The following WDR64 variants were observed in gnomAD, a reference collection of about 807,000 sequenced individuals.
The protein encoded by WDR64 is WD repeat domain 64.
WDR64 carries 112 observed loss-of-function variants against 139.3 expected under a neutral mutation model. The ratio of observed to expected loss-of-function variants is 0.80; its 90% CI spans 0.69 to 0.94. The LOEUF is 0.94. Ranked by LOEUF, WDR64 falls within the 40% of genes least tolerant of loss-of-function variation. The probability of loss-of-function intolerance (pLI) is 0.00; values close to 1 mark genes in which losing one functional copy is unlikely to be tolerated. For missense variants in WDR64, 1,206 were observed against 1,293.1 expected, an observed-to-expected ratio of 0.93 and a Z score of 1.03; for synonymous variants, 444 against 437.7, an observed-to-expected ratio of 1.01 and a Z score of -0.18.
At chr1:241,790,190 A>C (rs1659169920) in intron 24 of WDR64, among the ~76,000 whole-genome samples, 1 of 152,080 alleles carries the variant, frequency 6.6e-6, no homozygotes, top group South Asian at 2.1e-4. Flanking sequence ...ATCTTTACTA[A>C]AAATATAAAA....
intron 9 of WDR64, among the ~76,000 whole-genome samples, chr1:241,718,776 G>A (rs1384498189): frequency 3.3e-5 from 5 of 152,128 alleles, no homozygotes; most frequent in Admixed American, 3.3e-4. Context: ...TCTGGCGAGA[G>A]CTCTCTTCCT....
At chr1:241,800,266 G>C (rs1659482536) in intron 27 of WDR64, among the ~76,000 whole-genome samples, 1 of 152,130 alleles carries the variant, frequency 6.6e-6, no homozygotes, top group Admixed American at 6.6e-5. Context: ...GGATCCGTAA[G>C]TGGTTGAATC....
chr1:241,723,219 G>C (rs1165468304), intron 9 of WDR64, 78 bp from the exon 10 acceptor site: 1 of 1,547,814 alleles, frequency 6.5e-7, no homozygotes, highest in Non-Finnish European at 8.8e-7. Flanking sequence ...AAAGATACGG[G>C]TATGATACAG....
chr1:241,681,289 GAGTCCCCAA>G (rs1269653420), intron 6 of WDR64, among the ~76,000 whole-genome samples: 1 of 151,968 alleles, frequency 6.6e-6, no homozygotes, highest in Non-Finnish European at 1.5e-5. Context: ...CTTTTCCCCA[GAGTCCCCAA>G]AGTCCATTGT....
At chr1:241,743,455 T>G (rs981750608) in intron 12 of WDR64, among the ~76,000 whole-genome samples, 1 of 152,166 alleles carries the variant, frequency 6.6e-6, no homozygotes, top group African/African-American at 2.4e-5. Context: ...TGGCCCTTCA[T>G]TATCAGGCCC....
Position 241,772,923 on chromosome 1 carries a change from A to C in WDR64, c.2422A>C (p.Thr808Pro). ...TGAGGATGGACACCTCCGCTTGTGG[A>C]CTCTGGAGGTAATGGAACCCAGCAA... The part of the protein sequence containing the change: ...AHEDGHLRLW[T>P]LEGRLLKDML... The change falls in exon 20 of 28, where the codon ACT becomes CCT. Residue 808 changes from threonine (T) to proline (P), a missense_variant. Physicochemically the swap from Thr to Pro is conservative, Grantham distance 38. Coordinates refer to ENST00000437684, the MANE Select transcript of WDR64 (RefSeq NM_001367482.1). 6.5e-7 allele frequency: 1 copy of C among 1,550,058 alleles called. No homozygotes were observed. Among genetic ancestry groups the C allele is most frequent in the East Asian group, 2.4e-5 (1 of 40,822 alleles).
chr1:241,777,638 G>A (rs753345541), intron 21 of WDR64, among the ~76,000 whole-genome samples: 1 of 151,592 alleles, frequency 6.6e-6, no homozygotes, highest in East Asian at 1.9e-4. Flanking sequence ...GGCTGGTTTC[G>A]AACTCCTGAC....
In WDR64 at chr1:241,749,616, A is replaced by C. The variant is rs202030628; in HGVS notation, c.1664A>C (p.Lys555Thr). ...MKVLPEGKDW[K>T]EDEHCLRRLI... ...GTGTTGCCGGAGGGGAAAGACTGGA[A>C]GGAGGACGAGCACTGCCTACGACGC... The change falls in exon 14 of 28, where the codon AAG (lysine) becomes ACG (threonine). Residue 555 changes from lysine to threonine, a missense_variant. Coordinates refer to ENST00000437684, the MANE Select transcript of WDR64 (RefSeq NM_001367482.1). 39 of 1,614,128 alleles carry C rather than the reference A, an allele frequency of 2.4e-5. No homozygotes were observed. The highest frequency in any genetic ancestry group is 3.3e-5 in the Admixed American group (2 of 60,018).
chr1:241,779,986 T>C lies in WDR64; in HGVS notation c.2537-18T>C. On this transcript the variant is annotated intron_variant, in intron 21 of 27. Coordinates refer to ENST00000437684, the MANE Select transcript of WDR64 (RefSeq NM_001367482.1). The stretch of plus-strand genomic sequence containing the variant: ...CATGATATCTAATTAAAGATTCCAA[T>C]GTTTAAATTTTATACAGAAGGACAT... The C allele has an allele frequency of 6.4e-7, 1 of 1,573,128 alleles. No homozygotes were observed. Among genetic ancestry groups the C allele is most frequent in the Non-Finnish European group, 8.6e-7 (1 of 1,161,316 alleles).
At chr1:241,757,542 A>G (rs1670245735) in intron 15 of WDR64, 83 bp downstream of exon 15, 1 of 1,310,710 alleles carries the variant, frequency 7.6e-7, no homozygotes, top group Non-Finnish European at 1.0e-6. Flanking sequence ...ACAGAAAATA[A>G]TACAAAGAGC....
At chr1:241,742,256 C>T (rs944455540) in intron 12 of WDR64, among the ~76,000 whole-genome samples, 3 of 152,186 alleles carry the variant, frequency 2.0e-5, no homozygotes, top group Non-Finnish European at 2.9e-5. Flanking sequence ...TGCATTTCCT[C>T]CAGCCCAGCT....
rs957919467 is a variant in WDR64, at chr1:241,772,849, G to A, written c.2348G>A (p.Gly783Glu). 3 of 1,551,858 alleles carry A rather than the reference G, an allele frequency of 1.9e-6. No individual in the cohort carries two copies. Among genetic ancestry groups the A allele is most frequent in the Admixed American group, 3.9e-5 (2 of 50,958 alleles). Residue 783 changes from glycine to glutamate, a missense_variant, in exon 20 of 28, where the codon GGA becomes GAA. Physicochemically the swap from Gly to Glu is moderately conservative, Grantham distance 98 (BLOSUM62 -2). Transcript: ENST00000437684. ...KQQPMDKKHP[G>E]IANLPEAQPP... Reference sequence around the variant, plus strand: ...CAGCCAATGGACAAAAAACACCCTGGAATTGCCAATTTACCAGAAGCCCAG... The same window carrying A: ...CAGCCAATGGACAAAAAACACCCTGAAATTGCCAATTTACCAGAAGCCCAG...
At chr1:241,771,941 CATACATATATATATATAT>C (rs1427313621) in intron 19 of WDR64, among the ~76,000 whole-genome samples, 12 of 28,964 alleles carry the variant, frequency 4.1e-4, no homozygotes, top group East Asian at 1.8e-3. Flanking sequence ...TACATACATA[CATACATATATATATATAT>C]ATATATATAT....
At chr1:241,743,387 C>G (rs566225818) in intron 12 of WDR64, among the ~76,000 whole-genome samples, 2 of 152,108 alleles carry the variant, frequency 1.3e-5, no homozygotes, top group Non-Finnish European at 2.9e-5. Flanking sequence ...GTTAAAAGTA[C>G]GGACTCTAGG....
At chr1:241,754,417 T>C (rs902956100) in intron 14 of WDR64, among the ~76,000 whole-genome samples, 3 of 150,298 alleles carry the variant, frequency 2.0e-5, no homozygotes, top group South Asian at 2.1e-4. Flanking sequence ...CCTCCTGGGT[T>C]CAAGCGATTC....
intron 10 of WDR64, among the ~76,000 whole-genome samples, chr1:241,730,371 T>C (rs529396576): frequency 1.3e-4 from 20 of 152,294 alleles, no homozygotes; most frequent in African/African-American, 4.3e-4. Context: ...TTAGCTATGA[T>C]TGCACATTTG....
At chr1:241,704,387 G>T (rs1017240794) in intron 8 of WDR64, among the ~76,000 whole-genome samples, 1 of 152,186 alleles carries the variant, frequency 6.6e-6, no homozygotes, top group Admixed American at 6.5e-5. Context: ...CAAAATGTTT[G>T]ATTTTTTATG....
intron 2 of WDR64, among the ~76,000 whole-genome samples, chr1:241,664,765 A>T (rs1573987956): frequency 1.3e-5 from 2 of 152,168 alleles, no homozygotes; most frequent in Non-Finnish European, 2.9e-5. Context: ...AATGTAGATT[A>T]TGGAGGATAC....
chr1:241,794,695 G>C (rs1659311668), intron 25 of WDR64, among the ~76,000 whole-genome samples: 1 of 151,866 alleles, frequency 6.6e-6, no homozygotes, highest in South Asian at 2.1e-4. Flanking sequence ...TTTTAGTAGA[G>C]ACGGGGTTTC....
Sources: allele counts gnomAD v4.1 joint callset (sites outside exome capture counted in the v4.1 genomes callset), GRCh38; gene constraint gnomAD v4.1.1; transcripts MANE v1.5; gene names NCBI Gene and HGNC (gene_info 2026-07-23, HGNC 2026-07-21).